ITGA2: variants seen among roughly 807,000 people sequenced by gnomAD.
ITGA2 encodes integrin alpha-2.
Under a neutral mutation model 146.3 loss-of-function variants are expected in ITGA2, and 101 were observed. The observed-to-expected ratio is 0.69, with a 90% CI of 0.59 to 0.81. The LOEUF is 0.81. Ranked by LOEUF, ITGA2 falls within the 40% of genes least tolerant of loss-of-function variation. The probability of loss-of-function intolerance (pLI) is 0.00; values close to 1 mark genes in which losing one functional copy is unlikely to be tolerated. For synonymous variants in ITGA2, 477 were observed against 487.1 expected, an observed-to-expected ratio of 0.98 and a Z score of 0.27; for missense variants, 1,281 against 1,402.7, an observed-to-expected ratio of 0.91 and a Z score of 1.39.
chr5:52,991,794 A>G (rs27915), intron 1 of ITGA2, among the ~76,000 whole-genome samples: 18,080 of 152,206 alleles, frequency 0.12, 1,157 homozygotes, highest in South Asian at 0.18. Flanking sequence ...TTAGTCCTAT[A>G]TTTATCACCT....
intron 2 of ITGA2, among the ~76,000 whole-genome samples, chr5:53,037,640 G>T (rs1743554050): frequency 6.6e-6 from 1 of 152,126 alleles, no homozygotes; most frequent in Non-Finnish European, 1.5e-5. Flanking sequence ...TTTCACCGAG[G>T]CCTTAGGGTG....
intron 1 of ITGA2, among the ~76,000 whole-genome samples, chr5:53,021,275 A>G (rs1742669121): frequency 6.6e-6 from 1 of 152,052 alleles, no homozygotes; most frequent in African/African-American, 2.4e-5. Flanking sequence ...GTTATTAAGA[A>G]CTAATTTTTT....
Position 53,090,920 on chromosome 5 carries a change from G to A in ITGA2, c.*321G>A, listed in dbSNP as rs1740387395. The A allele has an allele frequency of 1.8e-6, 1 of 547,722 alleles. No homozygotes were observed. Among genetic ancestry groups the A allele is most frequent in the Admixed American group, 3.3e-5 (1 of 30,140 alleles). 33.9% of individuals were successfully genotyped at this position (547,722 alleles called of 1,614,324 possible). A position where few individuals can be genotyped will look rare whatever the true frequency, so the allele number is the denominator to read the frequency against. On this transcript the variant is annotated 3_prime_UTR_variant, in exon 30 of 30. Coordinates refer to ENST00000296585, the MANE Select transcript of ITGA2 (RefSeq NM_002203.4). ...AGAAACATGAAATGCTTCCAAGCATGACAACTTTTAAAGAAAAATATGATA... is the reference window on the plus strand; with the variant it reads ...AGAAACATGAAATGCTTCCAAGCATAACAACTTTTAAAGAAAAATATGATA...
chr5:53,072,107 C>T, intron 18 of ITGA2, 59 bp downstream of exon 18: 2 of 1,164,542 alleles, frequency 1.7e-6, no homozygotes, highest in Non-Finnish European at 2.6e-6. Flanking sequence ...ACAGTCACTG[C>T]AATAGTGTCT....
At chr5:53,046,490 A>C (rs1049155790) in intron 4 of ITGA2, among the ~76,000 whole-genome samples, 2 of 151,962 alleles carry the variant, frequency 1.3e-5, no homozygotes, top group African/African-American at 4.8e-5. Context: ...AGGTCTTTAC[A>C]ATAAGGTTGC....
chr5:53,067,223 A>T lies in ITGA2; in HGVS notation c.2049A>T (p.Ala683=), dbSNP rs1237055674. Residue 683 remains alanine (A), a synonymous_variant, in exon 16 of 30, where the codon GCA becomes GCT. Transcript: ENST00000296585. ...AQIILKLCFS[A]KFRPTKQNNQ... ...TAATTCTCAAACTCTGCTTCAGTGC[A>T]AAGTTCAGACCTACTAAGCAAAACA... 10 of 1,611,638 alleles carry T rather than the reference A, an allele frequency of 6.2e-6. No individual in the cohort carries two copies. Among genetic ancestry groups the T allele is most frequent in the Non-Finnish European group, 8.5e-6 (10 of 1,178,732 alleles).
At position 53,087,047 on chromosome 5, in the gene ITGA2, C is replaced by T; in HGVS notation, c.3348+6C>T. 6.3e-7 allele frequency: 1 copy of T among 1,596,532 alleles called. No individual in the cohort carries two copies. The highest frequency in any genetic ancestry group is 8.6e-7 in the Non-Finnish European group (1 of 1,164,336). ...TTGAAGATAACACTGTTACGGTGAG[C>T]ATATCACACCCTTCCCTGTGAGCCT... On this transcript the variant is annotated splice_donor_region_variant and intron_variant, in intron 28 of 29. Coordinates refer to ENST00000296585, the MANE Select transcript of ITGA2 (RefSeq NM_002203.4).
intron 4 of ITGA2, among the ~76,000 whole-genome samples, chr5:53,047,943 A>C (rs1389854695): frequency 6.6e-6 from 1 of 152,230 alleles, no homozygotes; most frequent in Non-Finnish European, 1.5e-5. Flanking sequence ...TCTTTACAAC[A>C]ATCTTAAAAG....
At chr5:53,013,413 T>C (rs1742242270) in intron 1 of ITGA2, among the ~76,000 whole-genome samples, 1 of 151,592 alleles carries the variant, frequency 6.6e-6, no homozygotes, top group African/African-American at 2.4e-5. Flanking sequence ...GATCAGATGG[T>C]TGTCAGTGTA....
intron 20 of ITGA2, 78 bp from the exon 21 acceptor site, chr5:53,074,307 C>A: frequency 9.0e-7 from 1 of 1,105,804 alleles, no homozygotes; most frequent in Non-Finnish European, 1.4e-6. Context: ...GCCACTGTAC[C>A]TCTTTTACCA....
chr5:53,065,693 G>A, intron 14 of ITGA2, 148 bp from the exon 15 acceptor site: 1 of 991,256 alleles, frequency 1.0e-6, no homozygotes, highest in Non-Finnish European at 1.5e-6. Flanking sequence ...AATAAGATGT[G>A]ATTAAAAAAT....
Position 53,013,557 on chromosome 5 carries a change from G to A in ITGA2, c.65-13191G>A, listed in dbSNP as rs153143. 2.6e-5 allele frequency among the ~76,000 whole-genome samples: 4 copies of A among 151,912 alleles called. No individual in the cohort carries two copies. The South Asian group carries it at 8.3e-4, about 32-fold the overall frequency. On this transcript the variant is annotated intron_variant, in intron 1 of 29. Transcript: ENST00000296585. ...TGGATAATATGATGCCTCTAACTTT[G>A]TTCTCTTTGCTTAGATTGTTTTTGC...
At position 53,056,161 on chromosome 5, in the gene ITGA2, A is replaced by G; in HGVS notation, c.1096+12A>G. ...TTTCAGCATTGAAGGTAAAAAAAAT[A>G]ACCTCCTTTCAAGAATTTTCTTCAA... On this transcript the variant is annotated intron_variant, in intron 9 of 29. Coordinates refer to ENST00000296585, the MANE Select transcript of ITGA2 (RefSeq NM_002203.4). 1 of 1,608,282 alleles carries G rather than the reference A, an allele frequency of 6.2e-7. No homozygotes were observed. Among genetic ancestry groups the G allele is most frequent in the Non-Finnish European group, 8.5e-7 (1 of 1,176,564 alleles).
chr5:53,082,979 T>C (rs1378651756), intron 26 of ITGA2, among the ~76,000 whole-genome samples: 1 of 151,606 alleles, frequency 6.6e-6, no homozygotes, highest in Non-Finnish European at 1.5e-5. Flanking sequence ...TAGTACATTG[T>C]TGCTAAACAA....
At chr5:52,992,817 T>A (rs1579765979) in intron 1 of ITGA2, among the ~76,000 whole-genome samples, 1 of 152,198 alleles carries the variant, frequency 6.6e-6, no homozygotes, top group East Asian at 1.9e-4. Context: ...TGCCAATTTC[T>A]TGGCATGTCA....
rs780393259 is a variant in ITGA2, at chr5:53,051,553, A to C, written c.773A>C (p.Tyr258Ser). The change falls in exon 7 of 30, where the codon TAT becomes TCT. Residue 258 changes from tyrosine to serine, a missense_variant. By Grantham distance (144) the Tyr-to-Ser change is moderately radical. Around this residue, in one of 3 missense-constraint regions of ITGA2, gnomAD observed 795 missense variants for 841.7 expected, o/e 0.94. Coordinates refer to ENST00000296585, the MANE Select transcript of ITGA2 (RefSeq NM_002203.4). ...ACAAACACATTCGGAGCAATTCAATATGCAAGGTAAGTTTTGGTGCTAATA... is the reference window on the plus strand; with the variant it reads ...ACAAACACATTCGGAGCAATTCAATCTGCAAGGTAAGTTTTGGTGCTAATA... ...DLTNTFGAIQ[Y>S]ARKYAYSAAS... 3.7e-6 allele frequency: 6 copies of C among 1,613,308 alleles called. No individual in the cohort carries two copies. Among genetic ancestry groups the C allele is most frequent in the Middle Eastern group, 1.6e-4 (1 of 6,078 alleles).
intron 1 of ITGA2, among the ~76,000 whole-genome samples, chr5:53,010,061 A>G (rs961453280): frequency 2.0e-5 from 3 of 152,166 alleles, no homozygotes; most frequent in Admixed American, 6.5e-5. Flanking sequence ...CCTTTTGTGG[A>G]AAAGATTAGG....
rs996765 is a variant in ITGA2 at position 53,058,273 on chromosome 5, A to T, written c.1173+172A>T. On this transcript the variant is annotated intron_variant, in intron 10 of 29. Transcript: ENST00000296585. The stretch of plus-strand genomic sequence containing the variant: ...CTGATTTACCTCTAAAATTTGAAGG[A>T]TAATAATGTCTTCCCTTCCCTGTTT... Among the ~76,000 whole-genome samples, 133,816 of 151,702 alleles carry T rather than the reference A, an allele frequency of 0.88. 59,426 individuals carry two copies. The highest frequency in any genetic ancestry group is 0.93 in the Admixed American group (14,057 of 15,192).
In ITGA2 at chr5:53,010,971, A is replaced by G. The variant is rs554293509; in HGVS notation, c.65-15777A>G. Among the ~76,000 whole-genome samples, 4 of 152,154 alleles carry G rather than the reference A, an allele frequency of 2.6e-5. No individual in the cohort carries two copies. The East Asian group carries it at 7.7e-4, about 29-fold the overall frequency. The stretch of plus-strand genomic sequence containing the variant: ...GGAGGAGATGTGACCACAGACATAG[A>G]GATTGGAGTGATGCAGACACAAGTT... On this transcript the variant is annotated intron_variant, in intron 1 of 29. Coordinates refer to ENST00000296585, the MANE Select transcript of ITGA2 (RefSeq NM_002203.4).
Sources: allele counts gnomAD v4.1 joint callset (sites outside exome capture counted in the v4.1 genomes callset), GRCh38; gene constraint gnomAD v4.1.1; regional missense constraint gnomAD v4.1.1; transcripts MANE v1.5; gene names NCBI Gene and HGNC (gene_info 2026-07-23, HGNC 2026-07-21).